The following CDK14 variants were observed in gnomAD, a reference collection of about 807,000 sequenced individuals.
CDK14 encodes the protein cyclin-dependent kinase 14.
In CDK14, 34 loss-of-function variants were observed where a neutral mutation model predicts 60.7. The observed-to-expected ratio is 0.56, with a 90% CI of 0.43 to 0.75. The LOEUF is 0.75. CDK14 is among the 30% of genes least tolerant of loss of function. The pLI is 0.00. For missense variants in CDK14, 482 were observed against 564.1 expected (o/e 0.85, Z 1.47); for synonymous variants, 197 against 203.7 (o/e 0.97, Z 0.28).
intron 10 of CDK14, among the ~76,000 whole-genome samples, chr7:90,999,622 G>T (rs1185132198): frequency 6.6e-6 from 1 of 152,046 alleles, no homozygotes; most frequent in Non-Finnish European, 1.5e-5. Context: ...CAGTACTCTG[G>T]GGTAGGAAAA....
intron 7 of CDK14, among the ~76,000 whole-genome samples, chr7:90,916,100 G>A (rs985139471): frequency 6.6e-6 from 1 of 152,042 alleles, no homozygotes; most frequent in Admixed American, 6.5e-5. Flanking sequence ...ACACAAAGTG[G>A]CTTTATTTTT....
At chr7:91,115,644 A>G (rs780652985) in intron 13 of CDK14, among the ~76,000 whole-genome samples, 4 of 152,182 alleles carry the variant, frequency 2.6e-5, no homozygotes, top group African/African-American at 7.2e-5. Context: ...TAAAAGGAGA[A>G]GATGGGAACA....
At chr7:91,105,467 C>T (rs930981595) in intron 12 of CDK14, among the ~76,000 whole-genome samples, 2 of 152,300 alleles carry the variant, frequency 1.3e-5, no homozygotes, top group East Asian at 1.9e-4. Context: ...AGAATTTCTA[C>T]GTATTCAGGC....
chr7:91,090,137 G>A (rs1454019714), intron 12 of CDK14, among the ~76,000 whole-genome samples: 1 of 152,056 alleles, frequency 6.6e-6, no homozygotes, highest in Non-Finnish European at 1.5e-5. Flanking sequence ...TCCTTCCTTT[G>A]CCTGCCTCAC....
Position 91,209,202 on chromosome 7 carries a change from AT to A in CDK14, c.*2067del. The stretch of plus-strand genomic sequence containing the variant: ...TAACTTGAAAATTTGAAAATATTTA[AT>A]GTTGAAAGACTTCAATTAGGGCTAT... On this transcript the variant is annotated 3_prime_UTR_variant, in exon 15 of 15. Transcript: ENST00000380050. 1 of 152,350 alleles carries A rather than the reference AT, an allele frequency of 6.6e-6. No homozygotes were observed. Among genetic ancestry groups the A allele is most frequent in the Middle Eastern group, 3.4e-3 (1 of 294 alleles). 9.4% of individuals were successfully genotyped at this position (152,350 alleles called of 1,614,324 possible). A position where few individuals can be genotyped will look rare whatever the true frequency, so the allele number is the denominator to read the frequency against.
intron 8 of CDK14, among the ~76,000 whole-genome samples, chr7:90,941,625 T>A (rs553423737): frequency 6.8e-6 from 1 of 146,890 alleles, no homozygotes; most frequent in East Asian, 1.9e-4. Context: ...TTTTTTTTTT[T>A]TAATTTTTTG....
chr7:90,954,022 G>T (rs1280213737), intron 8 of CDK14, among the ~76,000 whole-genome samples: 2 of 152,144 alleles, frequency 1.3e-5, no homozygotes, highest in East Asian at 3.8e-4. Flanking sequence ...CATTCATGTG[G>T]AGAAAAATTG....
At chr7:90,834,964 A>G (rs576880407) in intron 5 of CDK14, among the ~76,000 whole-genome samples, 14 of 152,292 alleles carry the variant, frequency 9.2e-5, no homozygotes, top group Admixed American at 2.6e-4. Context: ...AACCACAGAA[A>G]TAGATGAGAT....
chr7:91,207,700 G>A lies in CDK14; in HGVS notation c.*564G>A, dbSNP rs1271575140. The A allele has an allele frequency of 6.6e-5, 10 of 152,608 alleles. No individual in the cohort carries two copies. 9.5% of individuals were successfully genotyped at this position (152,608 alleles called of 1,614,324 possible). A position where few individuals can be genotyped will look rare whatever the true frequency, so the allele number is the denominator to read the frequency against. ...GGCCCCGGACTGTGGGGCCCCACCT[G>A]TTGCTTACCTTTTGAGGTAATTTTG... On this transcript the variant is annotated 3_prime_UTR_variant, in exon 15 of 15. Coordinates refer to ENST00000380050, the MANE Select transcript of CDK14 (RefSeq NM_001287135.2).
intron 8 of CDK14, among the ~76,000 whole-genome samples, chr7:90,924,101 T>TA (rs1312229946): frequency 6.6e-6 from 1 of 152,314 alleles, no homozygotes; most frequent in South Asian, 2.1e-4. Flanking sequence ...GATTTATAAA[T>TA]AAAAAAATTA....
chr7:91,200,703 T>C (rs1395267159), intron 14 of CDK14, among the ~76,000 whole-genome samples: 1 of 152,202 alleles, frequency 6.6e-6, no homozygotes, highest in Non-Finnish European at 1.5e-5. Flanking sequence ...GTCACTGGGA[T>C]CCTCTGACTG....
intron 10 of CDK14, among the ~76,000 whole-genome samples, chr7:91,036,095 G>A (rs1463863477): frequency 6.6e-6 from 1 of 151,996 alleles, no homozygotes; most frequent in South Asian, 2.1e-4. Context: ...CACCCGCCTC[G>A]GCCTCCCAAA....
At chr7:90,758,058 T>C (rs1804156793) in intron 4 of CDK14, among the ~76,000 whole-genome samples, 1 of 152,254 alleles carries the variant, frequency 6.6e-6, no homozygotes. Context: ...GAGATTCCTA[T>C]ACAGGTAGTC....
intron 10 of CDK14, among the ~76,000 whole-genome samples, chr7:91,030,800 A>G (rs1194073582): frequency 1.3e-5 from 2 of 152,092 alleles, no homozygotes; most frequent in Non-Finnish European, 2.9e-5. Flanking sequence ...GTTCCCTTTC[A>G]GTTCTTGGCC....
chr7:90,617,545 C>G (rs1299800790), intron 2 of CDK14, among the ~76,000 whole-genome samples: 3 of 152,056 alleles, frequency 2.0e-5, no homozygotes, highest in African/African-American at 7.2e-5. Flanking sequence ...CTGAGTTACA[C>G]ACATTTTACA....
chr7:90,901,169 ATACT>A (rs1399256977), intron 7 of CDK14, among the ~76,000 whole-genome samples: 2 of 152,130 alleles, frequency 1.3e-5, no homozygotes, highest in Non-Finnish European at 2.9e-5. Context: ...CATACTTCAA[ATACT>A]TACTGTTTGC....
intron 12 of CDK14, among the ~76,000 whole-genome samples, chr7:91,101,114 A>G (rs1346131003): frequency 6.6e-6 from 1 of 152,206 alleles, no homozygotes; most frequent in Admixed American, 6.5e-5. Context: ...CTATAGCAAT[A>G]TAGTTCAAAA....
intron 14 of CDK14, among the ~76,000 whole-genome samples, chr7:91,173,343 C>T (rs576667801): frequency 6.6e-6 from 1 of 152,078 alleles, no homozygotes; most frequent in South Asian, 2.1e-4. Flanking sequence ...CCTGTCATCC[C>T]AGCTTCTAGG....
intron 2 of CDK14, among the ~76,000 whole-genome samples, chr7:90,688,912 C>G (rs1157013352): frequency 6.6e-6 from 1 of 152,158 alleles, no homozygotes; most frequent in African/African-American, 2.4e-5. Flanking sequence ...CTCCTTTCCT[C>G]TCTCCCACCC....
Sources: gnomAD v4.1 joint callset for allele counts (sites outside exome capture counted in the v4.1 genomes callset) on GRCh38, gnomAD v4.1.1 for gene constraint, MANE v1.5 for transcripts, NCBI Gene and HGNC (gene_info 2026-07-23, HGNC 2026-07-21) for gene names.